SCHIP1: variants seen among roughly 807,000 people sequenced by gnomAD.
SCHIP1 encodes the protein schwannomin-interacting protein 1.
Under a neutral mutation model 29.7 loss-of-function variants are expected in SCHIP1, and 8 were observed. The ratio of observed to expected loss-of-function variants is 0.27; its 90% CI spans 0.16 to 0.49. The LOEUF (loss-of-function observed/expected upper bound fraction) is 0.49, where lower values mean the gene tolerates loss of function less well. Among genes scored for constraint, SCHIP1 ranks in the 20% least tolerant of loss-of-function variants. The pLI is 0.99. For missense variants in SCHIP1, 193 were observed against 294.6 expected, an observed-to-expected ratio of 0.66 and a Z score of 2.52; for synonymous variants, 76 against 94.9, an observed-to-expected ratio of 0.80 and a Z score of 1.16.
intron 2 of SCHIP1, among the ~76,000 whole-genome samples, chr3:159,870,352 TTA>T (rs973958006): frequency 6.6e-6 from 1 of 152,002 alleles, no homozygotes; most frequent in African/African-American, 2.4e-5. Context: ...GATGTTAATT[TTA>T]TGTTTCCTTT....
chr3:159,669,920 T>C, the SCHIP1 span, among the ~76,000 whole-genome samples: 1 of 152,188 alleles, frequency 6.6e-6, no homozygotes, highest in African/African-American at 2.4e-5. Flanking sequence ...AGACAGGGCC[T>C]GAGCCTGTCG....
At chr3:159,347,587 C>T in the SCHIP1 span, among the ~76,000 whole-genome samples, 1 of 152,120 alleles carries the variant, frequency 6.6e-6, no homozygotes, top group Non-Finnish European at 1.5e-5. Flanking sequence ...TGGATTTGAA[C>T]ATTCTATGGT....
the SCHIP1 span, among the ~76,000 whole-genome samples, chr3:159,592,150 G>A: frequency 6.6e-6 from 1 of 152,116 alleles, no homozygotes; most frequent in Non-Finnish European, 1.5e-5. Flanking sequence ...AAACAGAATT[G>A]TTGCCTTGTA....
the SCHIP1 span, among the ~76,000 whole-genome samples, chr3:159,537,656 A>G: frequency 1.3e-5 from 2 of 152,036 alleles, no homozygotes; most frequent in African/African-American, 2.4e-5. Context: ...CCCTTTTTTA[A>G]TCTACTACAT....
At chr3:159,404,261 G>T in the SCHIP1 span, among the ~76,000 whole-genome samples, 1 of 152,032 alleles carries the variant, frequency 6.6e-6, no homozygotes, top group African/African-American at 2.4e-5. Context: ...AGAGGGAAGA[G>T]TAAAGGGGAC....
the SCHIP1 span, chr3:159,764,494 A>G: frequency 1.3e-6 from 2 of 1,588,380 alleles, no homozygotes; most frequent in Non-Finnish European, 1.7e-6. The surrounding 1 kb of genome is among the most constrained non-coding windows in gnomAD (Gnocchi z 6.1). Flanking sequence ...CAGCAGCAGC[A>G]GCAGCAGCCG....
chr3:159,506,942 A>G, the SCHIP1 span, among the ~76,000 whole-genome samples: 3 of 152,124 alleles, frequency 2.0e-5, no homozygotes, highest in Non-Finnish European at 4.4e-5. Flanking sequence ...TTCTCCTGGC[A>G]ATGCGGGCTC....
At chr3:159,780,180 T>C in the SCHIP1 span, among the ~76,000 whole-genome samples, 6 of 152,200 alleles carry the variant, frequency 3.9e-5, no homozygotes. Context: ...GGGAAATTTA[T>C]GTCTAGAGCA....
the SCHIP1 span, among the ~76,000 whole-genome samples, chr3:159,495,542 A>G: frequency 6.6e-6 from 1 of 152,178 alleles, no homozygotes; most frequent in African/African-American, 2.4e-5. Context: ...TAGCAATCCA[A>G]CTTACAAGGG....
the SCHIP1 span, among the ~76,000 whole-genome samples, chr3:159,801,091 C>T: frequency 2.6e-5 from 4 of 152,034 alleles, no homozygotes; most frequent in East Asian, 1.9e-4. Context: ...TTTCACTCCC[C>T]AGTCCTGGGT....
chr3:159,661,035 C>G, the SCHIP1 span, among the ~76,000 whole-genome samples: 2 of 152,268 alleles, frequency 1.3e-5, no homozygotes, highest in South Asian at 2.1e-4. Flanking sequence ...CTTCACTTCA[C>G]TGAGGTCTCA....
At chr3:159,481,526 G>C in the SCHIP1 span, among the ~76,000 whole-genome samples, 3 of 152,094 alleles carry the variant, frequency 2.0e-5, no homozygotes, top group Non-Finnish European at 4.4e-5. Flanking sequence ...CTAAAAAAAA[G>C]TTGTTTATGG....
the SCHIP1 span, among the ~76,000 whole-genome samples, chr3:159,352,814 C>G: frequency 2.0e-5 from 3 of 150,848 alleles, no homozygotes; most frequent in South Asian, 4.2e-4. Flanking sequence ...AATTAGCCCT[C>G]TAAAACCATG....
chr3:159,889,953 G>C (rs1230538819), intron 5 of SCHIP1, among the ~76,000 whole-genome samples: 3 of 152,042 alleles, frequency 2.0e-5, no homozygotes, highest in Non-Finnish European at 4.4e-5. Flanking sequence ...AAAATTAGCT[G>C]GGCATGGTGG....
At chr3:159,704,892 C>CTTTA in the SCHIP1 span, among the ~76,000 whole-genome samples, 62 of 77,012 alleles carry the variant, frequency 8.1e-4, no homozygotes, top group South Asian at 1.2e-3. Flanking sequence ...TTCTTTCTTT[C>CTTTA]TTTCTTTCTT....
chr3:159,882,952 A>G (rs1392736656), intron 2 of SCHIP1, among the ~76,000 whole-genome samples: 1 of 152,226 alleles, frequency 6.6e-6, no homozygotes, highest in Admixed American at 6.5e-5. Flanking sequence ...CAGAAGACAT[A>G]CTTAGTCTTT....
chr3:159,354,785 A>G, the SCHIP1 span, among the ~76,000 whole-genome samples: 4 of 148,836 alleles, frequency 2.7e-5, no homozygotes, highest in African/African-American at 5.0e-5. Flanking sequence ...ACTTATAAGA[A>G]AGAAACATAG....
chr3:159,676,573 A>G, the SCHIP1 span, among the ~76,000 whole-genome samples: 1 of 152,338 alleles, frequency 6.6e-6, no homozygotes, highest in Admixed American at 6.5e-5. Flanking sequence ...CAAGTCTTCT[A>G]CATTCTTTCA....
chr3:159,327,107 G>A, the SCHIP1 span, among the ~76,000 whole-genome samples: 36,451 of 152,060 alleles, frequency 0.24, 4,723 homozygotes, highest in African/African-American at 0.33. Flanking sequence ...CCTAGTAAAG[G>A]AAATTACCTG....
Sources: gnomAD v4.1 joint callset for allele counts (sites outside exome capture counted in the v4.1 genomes callset) on GRCh38, gnomAD v4.1.1 for gene constraint, Gnocchi (gnomAD v3.1) non-coding constraint, MANE v1.5 for transcripts, NCBI Gene and HGNC (gene_info 2026-07-23, HGNC 2026-07-21) for gene names.